Variants in GREB1L observed in about 807,000 individuals in gnomAD.
GREB1L encodes GREB1-like protein.
A neutral mutation model predicts 200.8 loss-of-function variants in GREB1L; 17 were observed. The observed-to-expected ratio is 0.08, with a 90% CI of 0.06 to 0.13. The LOEUF is 0.13. GREB1L is among the 10% of genes least tolerant of loss of function. The pLI is 1.00. For missense variants in GREB1L, 1,657 were observed against 2,367.7 expected (o/e 0.70, Z 6.23); for synonymous variants, 789 against 893.0 (o/e 0.88, Z 2.08).
At chr18:21,384,504 T>G (rs2040455686) in intron 4 of GREB1L, 101 bp downstream of exon 4, 1 of 873,768 alleles carries the variant, frequency 1.1e-6, no homozygotes, top group African/African-American at 1.7e-5. Flanking sequence ...AACTAGTAAT[T>G]ATCGTATGGA....
At chr18:21,268,562 T>TAC (rs1567914838) in intron 1 of GREB1L, among the ~76,000 whole-genome samples, 12 of 53,554 alleles carry the variant, frequency 2.2e-4, no homozygotes, top group Admixed American at 2.0e-3. Context: ...CACACACACA[T>TAC]ATATATATAT....
At chr18:21,265,603 G>T (rs2037954521) in intron 1 of GREB1L, among the ~76,000 whole-genome samples, 1 of 152,156 alleles carries the variant, frequency 6.6e-6, no homozygotes, top group Admixed American at 6.5e-5. Context: ...CCTGTGGTTT[G>T]ATGAGTGATA....
At chr18:21,449,452 T>C in intron 11 of GREB1L, 58 bp from the exon 12 acceptor site, 2 of 998,622 alleles carry the variant, frequency 2.0e-6, no homozygotes, top group Non-Finnish European at 2.9e-6. Flanking sequence ...CATATGGGTG[T>C]GTGTGTCTCT....
At chr18:21,317,680 A>G (rs1363266086) in intron 1 of GREB1L, 2 of 152,236 alleles carry the variant, frequency 1.3e-5, no homozygotes, top group Non-Finnish European at 2.9e-5. Flanking sequence ...AAGAAGTATG[A>G]TCTGCTGCTC....
intron 1 of GREB1L, among the ~76,000 whole-genome samples, chr18:21,268,490 TATATATATAC>T (rs1223360533): frequency 1.4e-5 from 2 of 139,552 alleles, no homozygotes; most frequent in African/African-American, 2.6e-5. Context: ...TGTGTGTGTG[TATATATATAC>T]ATATATATAT....
intron 7 of GREB1L, among the ~76,000 whole-genome samples, chr18:21,409,827 T>C (rs941969582): frequency 6.6e-6 from 1 of 152,166 alleles, no homozygotes; most frequent in African/African-American, 2.4e-5. Flanking sequence ...AACGCCTGTT[T>C]TGCATCTTTG....
At position 21,505,955 on chromosome 18, in the gene GREB1L, A is replaced by G; in HGVS notation, c.4368+6A>G. 6.5e-7 allele frequency: 1 copy of G among 1,550,364 alleles called. No individual in the cohort carries two copies. Among genetic ancestry groups the G allele is most frequent in the South Asian group, 1.2e-5 (1 of 83,764 alleles). On this transcript the variant is annotated splice_donor_region_variant and intron_variant, in intron 25 of 32. Coordinates refer to ENST00000424526, the MANE Select transcript of GREB1L (RefSeq NM_001142966.3). ...ACTTCACCTCTGCCTCCCAGGTACC[A>G]TCCCACCTTCGCCCTCGCCCTCTGT... is the stretch of plus-strand genomic sequence containing the variant.
chr18:21,335,485 A>G (rs1161902519), intron 1 of GREB1L, among the ~76,000 whole-genome samples: 5 of 152,120 alleles, frequency 3.3e-5, no homozygotes, highest in African/African-American at 1.2e-4. Context: ...ATCAAGGACA[A>G]AAGATTTTTT....
intron 1 of GREB1L, among the ~76,000 whole-genome samples, chr18:21,314,074 T>C (rs1215846470): frequency 6.6e-6 from 1 of 152,220 alleles, no homozygotes; most frequent in African/African-American, 2.4e-5. Context: ...ATAAGAGAAT[T>C]TCTGCAGAAG....
At chr18:21,504,661 C>A (rs1398468421) in intron 23 of GREB1L, among the ~76,000 whole-genome samples, 2 of 152,146 alleles carry the variant, frequency 1.3e-5, no homozygotes, top group African/African-American at 4.8e-5. Context: ...TACAGTAAGA[C>A]CCTGCCTCTA....
At chr18:21,274,456 G>A (rs1746240297) in intron 1 of GREB1L, among the ~76,000 whole-genome samples, 1 of 152,004 alleles carries the variant, frequency 6.6e-6, no homozygotes, top group South Asian at 2.1e-4. Context: ...TGTTGCCCAG[G>A]CTGGAGTCCC....
chr18:21,430,102 C>T (rs965800685), intron 7 of GREB1L, among the ~76,000 whole-genome samples: 27 of 152,060 alleles, frequency 1.8e-4, no homozygotes, highest in African/African-American at 5.8e-4. Flanking sequence ...TTTCAGATTA[C>T]GCCCTTACCC....
intron 1 of GREB1L, among the ~76,000 whole-genome samples, chr18:21,311,993 G>A (rs565739307): frequency 1.5e-4 from 23 of 151,980 alleles, no homozygotes; most frequent in African/African-American, 4.1e-4. Context: ...CCTTCCACCC[G>A]CAAGTAGGCC....
intron 7 of GREB1L, among the ~76,000 whole-genome samples, chr18:21,408,177 C>G (rs2030509742): frequency 6.6e-6 from 1 of 152,130 alleles, no homozygotes; most frequent in Non-Finnish European, 1.5e-5. Flanking sequence ...TCTTATTTAT[C>G]CTGATTTAAT....
chr18:21,427,982 A>G (rs2032747458), intron 7 of GREB1L, among the ~76,000 whole-genome samples: 1 of 151,158 alleles, frequency 6.6e-6, no homozygotes, highest in South Asian at 2.1e-4. Context: ...TGAGGTCAGG[A>G]GATCGAGACC....
At chr18:21,397,449 C>T (rs2041119011) in intron 5 of GREB1L, among the ~76,000 whole-genome samples, 1 of 150,520 alleles carries the variant, frequency 6.6e-6, no homozygotes, top group East Asian at 2.0e-4. Flanking sequence ...GGCGTGAACC[C>T]GGGAGGCAGA....
Position 21,480,288 on chromosome 18 carries a change from T to C in GREB1L, c.2556+2932T>C, listed in dbSNP as rs550051638. On this transcript the variant is annotated intron_variant, in intron 17 of 32. Transcript: ENST00000424526. ...ATTGCTTGAACCCAGGAAGTGGAGA[T>C]TGCAGTGAGCCGAGATTATGCCACT... 3.9e-5 allele frequency among the ~76,000 whole-genome samples: 6 copies of C among 152,068 alleles called. No homozygotes were observed. In the South Asian group the frequency reaches 1.2e-3, roughly 32 times the overall value.
intron 7 of GREB1L, among the ~76,000 whole-genome samples, chr18:21,405,421 G>GT (rs2030074200): frequency 6.6e-6 from 1 of 152,162 alleles, no homozygotes; most frequent in Non-Finnish European, 1.5e-5. Flanking sequence ...CAACAAAAAC[G>GT]TATCAAGTGT....
intron 1 of GREB1L, among the ~76,000 whole-genome samples, chr18:21,268,502 T>C (rs1201563112): frequency 1.6e-5 from 2 of 123,622 alleles, no homozygotes; most frequent in African/African-American, 6.3e-5. Context: ...TATATATACA[T>C]ATATATATGT....
Sources: gnomAD v4.1 joint callset for allele counts (sites outside exome capture counted in the v4.1 genomes callset) on GRCh38, gnomAD v4.1.1 for gene constraint, MANE v1.5 for transcripts, NCBI Gene and HGNC (gene_info 2026-07-23, HGNC 2026-07-21) for gene names.